TMTC4: variants seen among roughly 807,000 people sequenced by gnomAD.
The protein encoded by TMTC4 is transmembrane O-mannosyltransferase targeting cadherins 4.
Under a neutral mutation model 86.0 loss-of-function variants are expected in TMTC4, and 65 were observed. The observed-to-expected ratio is 0.76, with a 90% CI of 0.62 to 0.93. The LOEUF (loss-of-function observed/expected upper bound fraction) is 0.93, where lower values mean the gene tolerates loss of function less well. Among genes scored for constraint, TMTC4 ranks in the 40% least tolerant of loss-of-function variants. The pLI is 0.00. For missense variants in TMTC4, 866 were observed against 948.1 expected, an observed-to-expected ratio of 0.91 and a Z score of 1.14; for synonymous variants, 379 against 382.5, an observed-to-expected ratio of 0.99 and a Z score of 0.11.
chr13:100,617,595 C>CCAATTTT (rs1878714254), intron 15 of TMTC4, among the ~76,000 whole-genome samples: 1 of 152,144 alleles, frequency 6.6e-6, no homozygotes, highest in African/African-American at 2.4e-5. Flanking sequence ...ACCCTTTCCC[C>CCAATTTT]ATTGCTTTAA....
chr13:100,663,788 C>G (rs978686718), intron 4 of TMTC4, among the ~76,000 whole-genome samples: 1 of 152,162 alleles, frequency 6.6e-6, no homozygotes, highest in African/African-American at 2.4e-5. Context: ...GAGGTAAATG[C>G]ATCTATTAAG....
intron 12 of TMTC4, among the ~76,000 whole-genome samples, chr13:100,627,659 A>G (rs879921114): frequency 5.3e-5 from 8 of 152,126 alleles, no homozygotes; most frequent in Non-Finnish European, 1.2e-4. Flanking sequence ...TGACATCTTA[A>G]TTACATCTGC....
intron 6 of TMTC4, among the ~76,000 whole-genome samples, chr13:100,645,212 G>T (rs940719133): frequency 6.6e-6 from 1 of 152,078 alleles, no homozygotes; most frequent in Admixed American, 6.5e-5. Context: ...AGTGGCCACC[G>T]CGAACCCTCT....
intron 5 of TMTC4, among the ~76,000 whole-genome samples, chr13:100,659,703 A>G (rs1231982756): frequency 1.3e-5 from 2 of 151,562 alleles, no homozygotes; most frequent in Non-Finnish European, 2.9e-5. Context: ...AACCACTTGA[A>G]GCAATGTGCG....
rs768059990 is a variant in TMTC4, at chr13:100,635,192, G to A, written c.1206C>T (p.Ile402=). Residue 402 remains isoleucine, a synonymous_variant, in exon 11 of 19, where the codon ATC becomes ATT. Transcript: ENST00000342624. The part of the protein sequence containing the change: ...LCSEDGHKRR[I]LTLGLGFLVI... ...CGAGAAATCCCAGGCCCAGAGTAAGGATCCTGGATGATGAAAAGTATTTAA... is the reference window on the plus strand; with the variant it reads ...CGAGAAATCCCAGGCCCAGAGTAAGAATCCTGGATGATGAAAAGTATTTAA... The A allele has an allele frequency of 3.2e-6, 5 of 1,580,120 alleles. No homozygotes were observed. In the Admixed American group the frequency reaches 5.8e-5, roughly 18 times the overall value.
Position 100,642,200 on chromosome 13 carries a change from G to A in TMTC4, c.741+11C>T, listed in dbSNP as rs1883104874. On this transcript the variant is annotated intron_variant, in intron 7 of 18. Transcript: ENST00000342624. ...AGAAAAAGCAGGCCCCAGCCATGTTGCGGCTCTCACCAGCACAGTGATCCC... is the reference window on the plus strand; with the variant it reads ...AGAAAAAGCAGGCCCCAGCCATGTTACGGCTCTCACCAGCACAGTGATCCC... 6.2e-7 allele frequency: 1 copy of A among 1,613,662 alleles called. No individual in the cohort carries two copies. The highest frequency in any genetic ancestry group is 1.3e-5 in the African/African-American group (1 of 74,926).
At chr13:100,661,139 G>C (rs1885728314) in intron 5 of TMTC4, among the ~76,000 whole-genome samples, 1 of 152,182 alleles carries the variant, frequency 6.6e-6, no homozygotes, top group Admixed American at 6.5e-5. Context: ...GGTGGGGAGG[G>C]GAAGAGAGAA....
chr13:100,634,835 A>C lies in TMTC4; in HGVS notation c.1476T>G (p.Ser492Arg), dbSNP rs1338720820. The C allele has an allele frequency of 6.2e-7, 1 of 1,614,196 alleles. No homozygotes were observed. The highest frequency in any genetic ancestry group is 1.3e-5 in the African/African-American group (1 of 75,048). The part of the protein sequence containing the change: ...EWRSEEQLFR[S>R]ALSVCPLNAK... ...CATTGAGGGGACACACAGACAGAGC[A>C]CTTCTGAAAAGCTGTTCCTCACTCC... The change falls in exon 12 of 19, where the codon AGT (serine) becomes AGG (arginine). Residue 492 changes from serine (S) to arginine (R), a missense_variant. Ser to Arg is a moderately radical substitution (Grantham distance 110, BLOSUM62 -1). Coordinates refer to ENST00000342624, the MANE Select transcript of TMTC4 (RefSeq NM_032813.5).
chr13:100,670,720 C>T (rs1346982926), intron 1 of TMTC4, 151 bp from the exon 2 acceptor site: 5 of 219,586 alleles, frequency 2.3e-5, no homozygotes, highest in South Asian at 3.0e-4. Context: ...AGGCCGAGGC[C>T]GGTGGATGGC....
chr13:100,636,421 A>C (rs926293059), intron 10 of TMTC4, 111 bp downstream of exon 10: 3 of 1,295,016 alleles, frequency 2.3e-6, no homozygotes, highest in Non-Finnish European at 3.2e-6. Context: ...ATTTGAAACA[A>C]ATGTCCTTAG....
intron 5 of TMTC4, among the ~76,000 whole-genome samples, chr13:100,656,712 G>A (rs1201639580): frequency 1.3e-5 from 2 of 151,730 alleles, no homozygotes; most frequent in Non-Finnish European, 2.9e-5. Context: ...GCTGGTTAAT[G>A]TTTGTATTTT....
intron 5 of TMTC4, 110 bp downstream of exon 5, chr13:100,662,854 T>A: frequency 8.7e-7 from 1 of 1,155,892 alleles, no homozygotes; most frequent in Non-Finnish European, 1.3e-6. Flanking sequence ...TCTCCAGCTC[T>A]GGAACCAAGA....
intron 3 of TMTC4, among the ~76,000 whole-genome samples, chr13:100,665,392 C>T (rs1886272042): frequency 6.6e-6 from 1 of 152,216 alleles, no homozygotes; most frequent in Non-Finnish European, 1.5e-5. Flanking sequence ...ATCGCAGTAA[C>T]CAAACTCTGA....
intron 7 of TMTC4, among the ~76,000 whole-genome samples, chr13:100,639,715 G>T (rs1037039371): frequency 2.0e-5 from 3 of 152,130 alleles, no homozygotes; most frequent in African/African-American, 7.2e-5. Flanking sequence ...TGAGGTGGGT[G>T]GATCACCTGA....
chr13:100,606,723 G>A (rs1876674635), intron 17 of TMTC4, among the ~76,000 whole-genome samples: 1 of 152,182 alleles, frequency 6.6e-6, no homozygotes. Flanking sequence ...CCAGGTCAGG[G>A]TGCGTGATGA....
At chr13:100,613,773 C>T (rs1878007715) in intron 16 of TMTC4, among the ~76,000 whole-genome samples, 1 of 146,738 alleles carries the variant, frequency 6.8e-6, no homozygotes. Flanking sequence ...CCCTTCCCTC[C>T]CTCCCTCCCT....
chr13:100,674,863 C>T (rs538005073), upstream of TMTC4: 4 of 977,178 alleles, frequency 4.1e-6, no homozygotes, highest in African/African-American at 5.3e-5. Context: ...CGACCCCCCC[C>T]GCGCCGCGCC....
intron 6 of TMTC4, among the ~76,000 whole-genome samples, chr13:100,650,619 A>C (rs1359803658): frequency 6.6e-6 from 1 of 152,226 alleles, no homozygotes; most frequent in Non-Finnish European, 1.5e-5. Context: ...CGCGTTCCAA[A>C]AGCTGGAACG....
chr13:100,652,645 T>G (rs374871841), intron 6 of TMTC4, among the ~76,000 whole-genome samples: 1 of 151,528 alleles, frequency 6.6e-6, no homozygotes, highest in African/African-American at 2.4e-5. Context: ...ATGAAGGAAG[T>G]AAGTAGAACA....
Sources: gnomAD v4.1 joint callset for allele counts (sites outside exome capture counted in the v4.1 genomes callset) on GRCh38, gnomAD v4.1.1 for gene constraint, MANE v1.5 for transcripts, NCBI Gene and HGNC (gene_info 2026-07-23, HGNC 2026-07-21) for gene names.